PCDH17: variants seen among roughly 807,000 people sequenced by gnomAD.
The protein encoded by PCDH17 is protocadherin-17.
A neutral mutation model predicts 67.7 loss-of-function variants in PCDH17; 21 were observed. The ratio of observed to expected loss-of-function variants is 0.31; its 90% confidence interval spans 0.22 to 0.45. The LOEUF is 0.45. PCDH17 is among the 20% of genes least tolerant of loss of function. PCDH17 has a pLI of 1.00. For synonymous variants in PCDH17, 701 were observed against 656.7 expected, an observed-to-expected ratio of 1.07 and a Z score of -1.03; for missense variants, 1,471 against 1,564.8, an observed-to-expected ratio of 0.94 and a Z score of 1.01.
intron 3 of PCDH17, among the ~76,000 whole-genome samples, chr13:57,701,302 C>T (rs1297790491): frequency 6.6e-6 from 1 of 151,952 alleles, no homozygotes; most frequent in Non-Finnish European, 1.5e-5. Flanking sequence ...TTTAACATAA[C>T]CTGTAGAAGT....
chr13:57,634,933 T>C lies in PCDH17; in HGVS notation c.2387T>C (p.Met796Thr), dbSNP rs918260135. 2 of 1,613,732 alleles carry C rather than the reference T, an allele frequency of 1.2e-6. No homozygotes were observed. Among genetic ancestry groups the C allele is most frequent in the Non-Finnish European group, 1.7e-6 (2 of 1,179,962 alleles). The change falls in exon 1 of 4, where the codon ATG becomes ACG. Residue 796 changes from methionine (M) to threonine (T), a missense_variant. By Grantham distance (81) the Met-to-Thr change is moderately conservative. Around this residue, in one of 3 missense-constraint regions of PCDH17, gnomAD observed 1,163 missense variants for 1,230.0 expected, o/e 0.95. Transcript: ENST00000377918. This position sits in a 1 kb window ranked among gnomAD's most constrained non-coding sequence, Gnocchi z 7.8. ...AGCCCCTCCCTGGCCACCTCCCCCA[T>C]GTACTTCGACTACCAGACCCGCCTG... The part of the protein sequence containing the change: ...VSSPSLATSP[M>T]YFDYQTRLPL...
chr13:57,633,114 A>G lies in PCDH17; in HGVS notation c.568A>G (p.Thr190Ala), dbSNP rs763421938. ...GLDVKSRGDG[T>A]KFPELVIQKA... ...GGACGTTAAGTCCCGCGGCGACGGC[A>G]CCAAGTTCCCAGAACTGGTCATCCA... The change falls in exon 1 of 4, where the codon ACC (threonine) becomes GCC (alanine). Residue 190 changes from threonine to alanine, a missense_variant. Physicochemically the swap from Thr to Ala is moderately conservative, Grantham distance 58 (BLOSUM62 0). This residue lies in a region of PCDH17 where 1,163 missense variants were observed against 1,230.0 expected (regional missense o/e 0.95). Coordinates refer to ENST00000377918, the MANE Select transcript of PCDH17 (RefSeq NM_001040429.3). The surrounding 1 kb of genome is among the most constrained non-coding windows in gnomAD (Gnocchi z 6.2). 1 of 1,613,496 alleles carries G rather than the reference A, an allele frequency of 6.2e-7. No individual in the cohort carries two copies. The highest frequency in any genetic ancestry group is 1.1e-5 in the South Asian group (1 of 91,062).
intron 1 of PCDH17, among the ~76,000 whole-genome samples, chr13:57,642,872 G>A (rs576118961): frequency 6.6e-6 from 1 of 151,538 alleles, no homozygotes; most frequent in Non-Finnish European, 1.5e-5. Flanking sequence ...TACAATTTCA[G>A]ACTATGCATG....
chr13:57,704,302 G>A (rs989615247), intron 3 of PCDH17, among the ~76,000 whole-genome samples: 16 of 151,978 alleles, frequency 1.1e-4, no homozygotes, highest in Non-Finnish European at 2.1e-4. Context: ...ATGTCTTCAT[G>A]ACTTTTTGGT....
intron 3 of PCDH17, among the ~76,000 whole-genome samples, chr13:57,706,446 G>GT (rs1211648708): frequency 6.6e-6 from 1 of 152,066 alleles, no homozygotes; most frequent in African/African-American, 2.4e-5. Flanking sequence ...ATATTTTGAA[G>GT]TTTCTTTTTC....
chr13:57,707,899 A>G (rs1459053565), intron 3 of PCDH17, among the ~76,000 whole-genome samples: 3 of 151,866 alleles, frequency 2.0e-5, no homozygotes, highest in East Asian at 1.9e-4. Flanking sequence ...ATTAAGGCCA[A>G]CTCTATTCCA....
At chr13:57,643,897 G>A (rs544451344) in intron 1 of PCDH17, among the ~76,000 whole-genome samples, 13 of 151,766 alleles carry the variant, frequency 8.6e-5, no homozygotes, top group African/African-American at 3.1e-4. Context: ...CTGACTTAAA[G>A]AAGTAAGCTT....
chr13:57,674,712 T>C (rs1955368971), intron 3 of PCDH17, among the ~76,000 whole-genome samples: 1 of 151,936 alleles, frequency 6.6e-6, no homozygotes, highest in Non-Finnish European at 1.5e-5. Context: ...CTATTAAAAT[T>C]CAGACTAGTT....
At chr13:57,681,282 T>C (rs148421126) in intron 3 of PCDH17, among the ~76,000 whole-genome samples, 12 of 151,938 alleles carry the variant, frequency 7.9e-5, no homozygotes, top group African/African-American at 2.9e-4. Context: ...TGTATCAATA[T>C]TTCTAAGTTG....
intron 1 of PCDH17, among the ~76,000 whole-genome samples, chr13:57,647,452 G>A (rs1954978633): frequency 6.6e-6 from 1 of 151,536 alleles, no homozygotes; most frequent in African/African-American, 2.4e-5. Context: ...TACATCTAGT[G>A]TACTTTTTAA....
chr13:57,647,148 T>G (rs2137993591), intron 1 of PCDH17, among the ~76,000 whole-genome samples: 1 of 152,000 alleles, frequency 6.6e-6, no homozygotes, highest in South Asian at 2.1e-4. Context: ...GGTAAAAATC[T>G]TAACGTTTCA....
At chr13:57,689,256 A>G (rs1182988223) in intron 3 of PCDH17, among the ~76,000 whole-genome samples, 4 of 152,062 alleles carry the variant, frequency 2.6e-5, no homozygotes, top group Non-Finnish European at 5.9e-5. Context: ...GGTAATGAAG[A>G]AGCACAACCA....
chr13:57,692,455 G>A (rs566106216), intron 3 of PCDH17, among the ~76,000 whole-genome samples: 1 of 151,312 alleles, frequency 6.6e-6, no homozygotes, highest in South Asian at 2.1e-4. Flanking sequence ...GACTTTTAAA[G>A]CTTTTGTACT....
At chr13:57,714,856 GA>G (rs1250218313) in intron 3 of PCDH17, among the ~76,000 whole-genome samples, 2 of 151,622 alleles carry the variant, frequency 1.3e-5, no homozygotes, top group African/African-American at 2.4e-5. Context: ...TGCAGTAGAA[GA>G]AAAAAACAAA....
intron 3 of PCDH17, among the ~76,000 whole-genome samples, chr13:57,709,374 A>G (rs1955753601): frequency 6.6e-6 from 1 of 151,748 alleles, no homozygotes; most frequent in Non-Finnish European, 1.5e-5. Flanking sequence ...AAGGTTAATG[A>G]ATGCATCATC....
At chr13:57,671,157 G>A (rs1008187861) in intron 3 of PCDH17, among the ~76,000 whole-genome samples, 1 of 151,760 alleles carries the variant, frequency 6.6e-6, no homozygotes, top group East Asian at 1.9e-4. Context: ...TAGTAGGTAG[G>A]AAGGTAGATT....
At position 57,725,131 on chromosome 13, in the gene PCDH17, G is replaced by A; in HGVS notation, c.3317G>A (p.Arg1106Lys). Residue 1106 changes from arginine to lysine, a missense_variant, in exon 4 of 4, where the codon AGA becomes AAA. Physicochemically the swap from Arg to Lys is conservative, Grantham distance 26. Coordinates refer to ENST00000377918, the MANE Select transcript of PCDH17 (RefSeq NM_001040429.3). ...AGGGTCTTTGCAGATGTGCATTCCA[G>A]AGCCAGCCGGGATTCCAGTGAGATG... is the stretch of plus-strand genomic sequence containing the variant. ...MARVFADVHS[R>K]ASRDSSEMGA... 1 of 1,614,162 alleles carries A rather than the reference G, an allele frequency of 6.2e-7. No individual in the cohort carries two copies. Among genetic ancestry groups the A allele is most frequent in the Non-Finnish European group, 8.5e-7 (1 of 1,180,016 alleles).
In PCDH17 at chr13:57,632,469, C is replaced by G; in HGVS notation, c.-78C>G. The G allele has an allele frequency of 1.4e-6, 2 of 1,451,360 alleles. No homozygotes were observed. The highest frequency in any genetic ancestry group is 1.9e-6 in the Non-Finnish European group (2 of 1,080,072). The allele number at this position is 1,451,360 out of a possible 1,614,324, so 89.9% of individuals were successfully genotyped here. The stretch of plus-strand genomic sequence containing the variant: ...CTCGCGTCGCGCGCGCACGCTGCGC[C>G]AGGGCCCCAGGCTGGCGCGCACTCC... On this transcript the variant is annotated 5_prime_UTR_variant, in exon 1 of 4. Transcript: ENST00000377918.
At chr13:57,639,672 A>C (rs1337178394) in intron 1 of PCDH17, among the ~76,000 whole-genome samples, 1 of 151,986 alleles carries the variant, frequency 6.6e-6, no homozygotes, top group Non-Finnish European at 1.5e-5. Context: ...CAGGAGTAAG[A>C]TAATTTTTAA....
Sources: allele counts gnomAD v4.1 joint callset (sites outside exome capture counted in the v4.1 genomes callset), GRCh38; gene constraint gnomAD v4.1.1; regional missense constraint gnomAD v4.1.1; non-coding constraint Gnocchi (gnomAD v3.1); transcripts MANE v1.5; gene names NCBI Gene and HGNC (gene_info 2026-07-23, HGNC 2026-07-21).